The following ATP6V1C1 variants were observed in gnomAD, a reference collection of about 807,000 sequenced individuals.
The protein encoded by ATP6V1C1 is V-type proton ATPase subunit C 1.
ATP6V1C1 carries 45 observed loss-of-function variants against 53.9 expected under a neutral mutation model. That is an observed-to-expected ratio of 0.83 (90% CI 0.66 to 1.07). The LOEUF (loss-of-function observed/expected upper bound fraction) is 1.07. Ranked by LOEUF, ATP6V1C1 falls within the 50% of genes least tolerant of loss-of-function variation. The pLI is 0.00. For missense variants in ATP6V1C1, 315 were observed against 440.3 expected (o/e 0.72, Z 2.55); for synonymous variants, 153 against 155.2 (o/e 0.99, Z 0.11).
chr8:103,059,974 C>CTT (rs538649832), intron 8 of ATP6V1C1, among the ~76,000 whole-genome samples: 5 of 140,746 alleles, frequency 3.6e-5, no homozygotes, highest in African/African-American at 7.8e-5. Flanking sequence ...TTCTTTCTTT[C>CTT]TTTTTTTTTT....
chr8:103,051,188 G>T, intron 5 of ATP6V1C1, 44 bp downstream of exon 5: 1 of 1,372,026 alleles, frequency 7.3e-7, no homozygotes, highest in Admixed American at 2.1e-5. Flanking sequence ...GATTTGTAGT[G>T]GCTTTGCTTA....
At chr8:103,024,621 T>C (rs1056935606) in intron 1 of ATP6V1C1, among the ~76,000 whole-genome samples, 10 of 152,230 alleles carry the variant, frequency 6.6e-5, no homozygotes, top group African/African-American at 2.2e-4. Context: ...ACTCTTTGGG[T>C]GTGGAATTAT....
intron 8 of ATP6V1C1, among the ~76,000 whole-genome samples, chr8:103,058,902 C>A (rs192064619): frequency 6.6e-6 from 1 of 152,090 alleles, no homozygotes; most frequent in East Asian, 1.9e-4. Flanking sequence ...GGAGGCTGTG[C>A]TGCTGTTCTG....
intron 4 of ATP6V1C1, 88 bp downstream of exon 4, chr8:103,049,043 A>G: frequency 1.7e-6 from 2 of 1,188,392 alleles, no homozygotes; most frequent in Non-Finnish European, 2.4e-6. Context: ...AAAAAAGTCT[A>G]CAGAAAAGGA....
rs759509829 is a variant in ATP6V1C1, at chr8:103,068,728, A to G, written c.1130A>G (p.Asn377Ser). The G allele has an allele frequency of 1.8e-5, 29 of 1,608,748 alleles. 1 individual carries two copies. The highest frequency in any genetic ancestry group is 2.0e-5 in the Non-Finnish European group (24 of 1,177,666). Reference sequence around the variant, plus strand: ...TATGTGTACTACAAGATTGATTGCAACTTGCTGGAATTCAAGTGAAAATGG... The same window carrying G: ...TATGTGTACTACAAGATTGATTGCAGCTTGCTGGAATTCAAGTGAAAATGG... ...YPYVYYKIDC[N>S]LLEFK Residue 377 changes from asparagine (N) to serine (S), a missense_variant, in exon 13 of 13, where the codon AAC becomes AGC. Asn to Ser is a conservative substitution (Grantham distance 46). Coordinates refer to ENST00000518738, the MANE Select transcript of ATP6V1C1 (RefSeq NM_001695.5).
At chr8:103,042,670 C>G (rs1817022034) in intron 3 of ATP6V1C1, among the ~76,000 whole-genome samples, 1 of 152,106 alleles carries the variant, frequency 6.6e-6, no homozygotes, top group African/African-American at 2.4e-5. Context: ...TTCAGGTGTA[C>G]AATTCAGTGA....
chr8:103,064,675 C>G, intron 10 of ATP6V1C1, 39 bp from the exon 11 acceptor site: 1 of 1,573,034 alleles, frequency 6.4e-7, no homozygotes, highest in Middle Eastern at 1.7e-4. Flanking sequence ...ATTGCTATTT[C>G]TAAGACCAAA....
intron 10 of ATP6V1C1, chr8:103,064,512 C>G: frequency 2.4e-6 from 1 of 417,388 alleles, no homozygotes; most frequent in South Asian, 4.7e-5. Flanking sequence ...CTGTTGAGAT[C>G]TCTCTGTAGT....
At chr8:103,066,488 ATTTC>A (rs1355805006) in intron 12 of ATP6V1C1, 41 bp downstream of exon 12, 1 of 1,499,606 alleles carries the variant, frequency 6.7e-7, no homozygotes, top group Admixed American at 2.4e-5. Context: ...ATTGAAGTGA[ATTTC>A]AGAAAAAAAA....
chr8:103,061,788 C>T (rs887782530), intron 8 of ATP6V1C1, among the ~76,000 whole-genome samples: 3 of 152,182 alleles, frequency 2.0e-5, no homozygotes, highest in African/African-American at 7.2e-5. Flanking sequence ...AGAGATTCCC[C>T]TCAGTAACAT....
Position 103,030,775 on chromosome 8 carries a change from G to C in ATP6V1C1, c.-40+9550G>C, listed in dbSNP as rs1480661998. On this transcript the variant is annotated intron_variant, in intron 1 of 12. Transcript: ENST00000518738. ...TAAACACCAGAAACTTATGGGGGGG[G>C]TCTCTGCAGGAGATCTAACAAAGAA... 2.6e-5 allele frequency among the ~76,000 whole-genome samples: 4 copies of C among 151,804 alleles called. No individual in the cohort carries two copies. In the South Asian group the frequency reaches 8.3e-4, roughly 32 times the overall value.
At chr8:103,051,890 C>CCA (rs1817206463) in intron 5 of ATP6V1C1, among the ~76,000 whole-genome samples, 1 of 152,102 alleles carries the variant, frequency 6.6e-6, no homozygotes, top group Non-Finnish European at 1.5e-5. Flanking sequence ...AATTATTGGA[C>CCA]AGACTTTCCT....
chr8:103,022,185 A>G (rs555536927), intron 1 of ATP6V1C1, among the ~76,000 whole-genome samples: 1 of 152,334 alleles, frequency 6.6e-6, no homozygotes, highest in Middle Eastern at 3.4e-3. Context: ...TCTGGAGGAA[A>G]GAAAACTTGA....
chr8:103,068,729 C>G lies in ATP6V1C1; in HGVS notation c.1131C>G (p.Asn377Lys). Residue 377 changes from asparagine to lysine, a missense_variant, in exon 13 of 13, where the codon AAC (asparagine) becomes AAG (lysine). By Grantham distance (94) the Asn-to-Lys change is moderately conservative. Transcript: ENST00000518738. ...YPYVYYKIDC[N>K]LLEFK ...ATGTGTACTACAAGATTGATTGCAACTTGCTGGAATTCAAGTGAAAATGGG... is the reference window on the plus strand; with the variant it reads ...ATGTGTACTACAAGATTGATTGCAAGTTGCTGGAATTCAAGTGAAAATGGG... 1 of 1,608,776 alleles carries G rather than the reference C, an allele frequency of 6.2e-7. No individual in the cohort carries two copies. The highest frequency in any genetic ancestry group is 1.1e-5 in the South Asian group (1 of 90,072).
chr8:103,059,355 C>T (rs954211982), intron 8 of ATP6V1C1, among the ~76,000 whole-genome samples: 4 of 152,128 alleles, frequency 2.6e-5, no homozygotes, highest in Admixed American at 1.3e-4. Flanking sequence ...TCCTACTGGA[C>T]CACTCCATGT....
At chr8:103,052,209 G>A (rs747987096) in intron 5 of ATP6V1C1, among the ~76,000 whole-genome samples, 4 of 151,952 alleles carry the variant, frequency 2.6e-5, no homozygotes, top group Non-Finnish European at 5.9e-5. Context: ...TCAGTTCTTC[G>A]AATGTTGTTT....
chr8:103,024,111 A>T (rs1253329401), intron 1 of ATP6V1C1, among the ~76,000 whole-genome samples: 1 of 152,114 alleles, frequency 6.6e-6, no homozygotes, highest in Non-Finnish European at 1.5e-5. Flanking sequence ...CTTTGGCAAA[A>T]AGTGAGTCTC....
intron 8 of ATP6V1C1, among the ~76,000 whole-genome samples, chr8:103,056,557 A>C (rs1477610282): frequency 6.6e-6 from 1 of 152,232 alleles, no homozygotes; most frequent in African/African-American, 2.4e-5. Flanking sequence ...AAGGAAGAAG[A>C]AGTTAAAATG....
rs1158610529 is a variant in ATP6V1C1, at chr8:103,053,902, A to G, written c.492A>G (p.Arg164=). Residue 164 remains arginine (R), a synonymous_variant, in exon 7 of 13, where the codon AGA becomes AGG. Coordinates refer to ENST00000518738, the MANE Select transcript of ATP6V1C1 (RefSeq NM_001695.5). The part of the protein sequence containing the change: ...ERKNAGSLLT[R]SLAEIVKKDD... The stretch of plus-strand genomic sequence containing the variant: ...TCCTCAGAGGAAGTTTGCTAACTAG[A>G]AGTCTAGCAGAAATTGTGAAGAAGG... 4 of 1,611,524 alleles carry G rather than the reference A, an allele frequency of 2.5e-6. No homozygotes were observed. Among genetic ancestry groups the G allele is most frequent in the Non-Finnish European group, 3.4e-6 (4 of 1,178,472 alleles).
Sources: allele counts gnomAD v4.1 joint callset (sites outside exome capture counted in the v4.1 genomes callset), GRCh38; gene constraint gnomAD v4.1.1; transcripts MANE v1.5; gene names NCBI Gene and HGNC (gene_info 2026-07-23, HGNC 2026-07-21).